The following TSHZ1 variants were observed in gnomAD, a reference collection of about 807,000 sequenced individuals.
TSHZ1 encodes the protein teashirt zinc finger homeobox 1, also known as teashirt homolog 1.
A neutral mutation model predicts 67.1 loss-of-function variants in TSHZ1; 12 were observed. The ratio of observed to expected loss-of-function variants is 0.18; its 90% CI spans 0.11 to 0.29. TSHZ1 has a LOEUF of 0.29. Among genes scored for constraint, TSHZ1 ranks in the 10% least tolerant of loss-of-function variants. TSHZ1 has a pLI of 1.00. For synonymous variants in TSHZ1, 632 were observed against 622.4 expected (o/e 1.02, Z -0.23); for missense variants, 1,305 against 1,413.9 (o/e 0.92, Z 1.23).
At chr18:75,229,052 G>A (rs2022961985) in intron 1 of TSHZ1, among the ~76,000 whole-genome samples, 1 of 152,246 alleles carries the variant, frequency 6.6e-6, no homozygotes, top group South Asian at 2.1e-4. Flanking sequence ...GGTGGATAGA[G>A]GAGCTCTCAA....
At chr18:75,265,580 A>G (rs1381761958) in intron 1 of TSHZ1, among the ~76,000 whole-genome samples, 1 of 152,258 alleles carries the variant, frequency 6.6e-6, no homozygotes, top group Non-Finnish European at 1.5e-5. Flanking sequence ...GTCACTGTGC[A>G]TAGCAACAGG....
intron 1 of TSHZ1, among the ~76,000 whole-genome samples, chr18:75,229,323 C>T (rs2022966192): frequency 6.6e-6 from 1 of 152,254 alleles, no homozygotes; most frequent in South Asian, 2.1e-4. Flanking sequence ...ACGAAAGTAA[C>T]TTTCTTTCCA....
intron 1 of TSHZ1, among the ~76,000 whole-genome samples, chr18:75,236,784 T>A (rs1022552071): frequency 3.3e-5 from 5 of 152,156 alleles, no homozygotes; most frequent in African/African-American, 1.2e-4. Flanking sequence ...TTTATAGTTA[T>A]CTTATTATTC....
intron 1 of TSHZ1, among the ~76,000 whole-genome samples, chr18:75,265,666 TG>T (rs1017549076): frequency 6.6e-6 from 1 of 152,212 alleles, no homozygotes; most frequent in African/African-American, 2.4e-5. Context: ...AATTTAATAT[TG>T]GGGTAGAGAA....
At chr18:75,257,927 G>A (rs1599044012) in intron 1 of TSHZ1, among the ~76,000 whole-genome samples, 2 of 152,278 alleles carry the variant, frequency 1.3e-5, no homozygotes, top group Non-Finnish European at 2.9e-5. Context: ...GCTTAGAACC[G>A]GGGCTGCACA....
chr18:75,222,446 T>A (rs2022859011), intron 1 of TSHZ1, among the ~76,000 whole-genome samples: 1 of 152,148 alleles, frequency 6.6e-6, no homozygotes, highest in South Asian at 2.1e-4. Context: ...AAAACTGCGA[T>A]GTTCACAAAA....
At chr18:75,254,893 T>A (rs1402157946) in intron 1 of TSHZ1, among the ~76,000 whole-genome samples, 1 of 152,218 alleles carries the variant, frequency 6.6e-6, no homozygotes, top group Non-Finnish European at 1.5e-5. Flanking sequence ...AACATTTTTA[T>A]AAAATTCTGT....
chr18:75,285,971 C>A lies in TSHZ1; in HGVS notation c.564C>A (p.Thr188=). The change falls in exon 2 of 2, where the codon ACC becomes ACA. Residue 188 remains threonine (T), a synonymous_variant. Transcript: ENST00000580243. ...SCSSSTSHSS[T]TSTSSSSGYD... ...GCTCCAGCACCAGCCACAGCAGTAC[C>A]ACCAGTACCAGCAGCAGCTCCGGGT... The A allele has an allele frequency of 1.3e-6, 2 of 1,590,786 alleles. No homozygotes were observed. The highest frequency in any genetic ancestry group is 1.3e-5 in the African/African-American group (1 of 74,186).
chr18:75,234,144 C>T (rs901865701), intron 1 of TSHZ1, among the ~76,000 whole-genome samples: 9 of 152,152 alleles, frequency 5.9e-5, no homozygotes, highest in African/African-American at 1.4e-4. Flanking sequence ...GAATCTTGCA[C>T]GGCAACAGCC....
intron 1 of TSHZ1, among the ~76,000 whole-genome samples, chr18:75,275,446 C>T (rs1430675351): frequency 6.6e-6 from 1 of 152,172 alleles, no homozygotes; most frequent in Non-Finnish European, 1.5e-5. Flanking sequence ...TGATGGCTGG[C>T]AGCATGTAGT....
At chr18:75,255,126 T>G (rs1431299140) in intron 1 of TSHZ1, among the ~76,000 whole-genome samples, 1 of 152,164 alleles carries the variant, frequency 6.6e-6, no homozygotes, top group Non-Finnish European at 1.5e-5. Flanking sequence ...CTGGAAAAAA[T>G]TTGGTTCTGT....
chr18:75,286,087 A>T lies in TSHZ1; in HGVS notation c.680A>T (p.Gln227Leu). The change falls in exon 2 of 2, where the codon CAG (glutamine) becomes CTG (leucine). Residue 227 changes from glutamine (Q) to leucine (L), a missense_variant. By Grantham distance (113) the Gln-to-Leu change is moderately radical (BLOSUM62 -2). Around this residue, in one of 3 missense-constraint regions of TSHZ1, gnomAD observed 358 missense variants for 375.6 expected, o/e 0.95. Coordinates refer to ENST00000580243, the MANE Select transcript of TSHZ1 (RefSeq NM_001308210.2). The surrounding 1 kb of genome is among the most constrained non-coding windows in gnomAD (Gnocchi z 5.1). ...LPEPSLFSTV[Q>L]LYRQNNKLYG... ...GAGCCCAGCCTGTTCAGCACCGTGC[A>T]GCTCTACCGCCAGAACAACAAGCTC... 6.2e-7 allele frequency: 1 copy of T among 1,612,210 alleles called. No individual in the cohort carries two copies. The highest frequency in any genetic ancestry group is 1.7e-5 in the Admixed American group (1 of 59,948).
rs910249061 is a variant in TSHZ1, at chr18:75,211,813, C to T, written c.-64C>T. 18 of 1,051,022 alleles carry T rather than the reference C, an allele frequency of 1.7e-5. No homozygotes were observed. The African/African-American group carries it at 3.1e-4, about 18-fold the overall frequency. The allele number at this position is 1,051,022 out of a possible 1,614,324, so 65.1% of individuals were successfully genotyped here. A position where few individuals can be genotyped will look rare whatever the true frequency, so the allele number is the denominator to read the frequency against. On this transcript the variant is annotated 5_prime_UTR_variant, in exon 1 of 2. Coordinates refer to ENST00000580243, the MANE Select transcript of TSHZ1 (RefSeq NM_001308210.2). Reference sequence around the variant, plus strand: ...CGGAGTTGCGCCCGCGCCCGGGGCCCCGCGTCCCCGCGCCCCGCGAACTCC... The same window carrying T: ...CGGAGTTGCGCCCGCGCCCGGGGCCTCGCGTCCCCGCGCCCCGCGAACTCC...
chr18:75,219,492 C>T (rs1328096456), intron 1 of TSHZ1, among the ~76,000 whole-genome samples: 1 of 152,180 alleles, frequency 6.6e-6, no homozygotes, highest in South Asian at 2.1e-4. Context: ...ACACTAAGCA[C>T]CATTGTTATG....
chr18:75,243,188 T>C (rs1039908772), intron 1 of TSHZ1, among the ~76,000 whole-genome samples: 1 of 152,230 alleles, frequency 6.6e-6, no homozygotes, highest in African/African-American at 2.4e-5. Context: ...GGCTGGCCCA[T>C]TTTAACTCTT....
intron 1 of TSHZ1, among the ~76,000 whole-genome samples, chr18:75,258,519 G>T (rs2023390641): frequency 6.6e-6 from 1 of 152,094 alleles, no homozygotes; most frequent in South Asian, 2.1e-4. Context: ...GAAAAATAAA[G>T]ATTTCTTTAT....
chr18:75,274,648 A>G (rs1226118132), intron 1 of TSHZ1, among the ~76,000 whole-genome samples: 1 of 152,242 alleles, frequency 6.6e-6, no homozygotes, highest in African/African-American at 2.4e-5. Context: ...ATGAAAACAA[A>G]GGATTGTCAC....
intron 1 of TSHZ1, among the ~76,000 whole-genome samples, chr18:75,218,653 G>T (rs979970760): frequency 6.6e-6 from 1 of 152,152 alleles, no homozygotes; most frequent in Non-Finnish European, 1.5e-5. Context: ...GGGCCGGGCT[G>T]GGGGGAGCCG....
At chr18:75,217,392 T>C (rs905649685) in intron 1 of TSHZ1, among the ~76,000 whole-genome samples, 40 of 152,304 alleles carry the variant, frequency 2.6e-4, no homozygotes, top group African/African-American at 7.9e-4. Flanking sequence ...GTTTTTTTTT[T>C]CTACTTTCTG....
Sources: allele counts gnomAD v4.1 joint callset (sites outside exome capture counted in the v4.1 genomes callset), GRCh38; gene constraint gnomAD v4.1.1; regional missense constraint gnomAD v4.1.1; non-coding constraint Gnocchi (gnomAD v3.1); transcripts MANE v1.5; gene names NCBI Gene and HGNC (gene_info 2026-07-23, HGNC 2026-07-21).